Variants in ARHGEF7 observed in about 807,000 individuals in gnomAD.
ARHGEF7 encodes the protein PAK-interacting exchange factor beta.
In ARHGEF7, 33 loss-of-function variants were observed where a neutral mutation model predicts 109.8. The observed-to-expected ratio is 0.30, with a 90% CI of 0.23 to 0.40. The LOEUF (loss-of-function observed/expected upper bound fraction) is 0.40. Ranked by LOEUF, ARHGEF7 falls within the 10% of genes least tolerant of loss-of-function variation. The probability of loss-of-function intolerance (pLI) is 1.00; values close to 1 mark genes in which losing one functional copy is unlikely to be tolerated. For missense variants in ARHGEF7, 938 were observed against 1,098.5 expected (o/e 0.85, Z 2.07); for synonymous variants, 458 against 424.6 (o/e 1.08, Z -0.97).
intron 2 of ARHGEF7, among the ~76,000 whole-genome samples, chr13:111,174,774 T>C (rs2077962738): frequency 6.6e-6 from 1 of 151,982 alleles, no homozygotes; most frequent in Admixed American, 6.6e-5. Context: ...ACGCTGGGGG[T>C]CGTAAGCAGA....
At chr13:111,261,325 T>G (rs779300479) in intron 8 of ARHGEF7, among the ~76,000 whole-genome samples, 1 of 152,150 alleles carries the variant, frequency 6.6e-6, no homozygotes, top group Non-Finnish European at 1.5e-5. Context: ...GTAGCTAGAC[T>G]TATATCAAAC....
At chr13:111,227,270 G>A (rs117045033) in intron 5 of ARHGEF7, among the ~76,000 whole-genome samples, 1,535 of 152,364 alleles carry the variant, frequency 0.01, 11 homozygotes, top group Middle Eastern at 0.017. Flanking sequence ...GAAGTTGTAT[G>A]TGTGTAAAAT....
intron 6 of ARHGEF7, among the ~76,000 whole-genome samples, chr13:111,242,090 C>T (rs1456559058): frequency 6.6e-6 from 1 of 152,118 alleles, no homozygotes; most frequent in Non-Finnish European, 1.5e-5. Flanking sequence ...GTTGTGGGGT[C>T]AGCATTTCCC....
intron 2 of ARHGEF7, among the ~76,000 whole-genome samples, chr13:111,167,302 C>G (rs2077207068): frequency 1.3e-5 from 2 of 152,254 alleles, no homozygotes; most frequent in South Asian, 4.2e-4. Context: ...TTTTATATTT[C>G]TTTTATCCAA....
rs148918279 is a variant in ARHGEF7, at chr13:111,293,800, C to T, written c.2311+1506C>T. On this transcript the variant is annotated intron_variant, in intron 19 of 21. Coordinates refer to ENST00000646102, the MANE Select transcript of ARHGEF7 (RefSeq NM_001354046.2). ...ACTGCCCACTCCTTCGCCAAACCCA[C>T]GTATTCAGTGTTCTGATCTTGTTTG... 7.6e-4 allele frequency: 752 copies of T among 985,366 alleles called. 8 individuals are homozygous for T. The South Asian group carries it at 0.012, about 16-fold the overall frequency. 61.0% of individuals were successfully genotyped at this position (985,366 alleles called of 1,614,324 possible).
At chr13:111,284,756 A>G (rs1443345826) in intron 16 of ARHGEF7, among the ~76,000 whole-genome samples, 1 of 152,182 alleles carries the variant, frequency 6.6e-6, no homozygotes, top group African/African-American at 2.4e-5. Context: ...GTGATCTTGC[A>G]GGGTGTGAGA....
intron 2 of ARHGEF7, among the ~76,000 whole-genome samples, chr13:111,184,252 T>C (rs1381591177): frequency 6.6e-6 from 1 of 152,222 alleles, no homozygotes; most frequent in Non-Finnish European, 1.5e-5. Context: ...TCCCCAGCTA[T>C]GTGTAACTGT....
chr13:111,198,944 CT>C (rs2057570431), intron 2 of ARHGEF7, among the ~76,000 whole-genome samples: 2 of 152,176 alleles, frequency 1.3e-5, no homozygotes, highest in African/African-American at 2.4e-5. Flanking sequence ...AAACCTTTAG[CT>C]GGACACGGAG....
chr13:111,208,009 T>C (rs2082088174), intron 3 of ARHGEF7, among the ~76,000 whole-genome samples: 1 of 152,178 alleles, frequency 6.6e-6, no homozygotes, highest in Non-Finnish European at 1.5e-5. Flanking sequence ...TGCCCTTTGT[T>C]TTTGTTTTTG....
chr13:111,251,869 A>T (rs558959266), intron 8 of ARHGEF7, among the ~76,000 whole-genome samples: 12 of 152,258 alleles, frequency 7.9e-5, no homozygotes, highest in Non-Finnish European at 1.6e-4. Flanking sequence ...TCATGCATGC[A>T]TGCATTCATT....
At position 111,291,017 on chromosome 13, in the gene ARHGEF7, A is replaced by G. The variant is rs572728967; in HGVS notation, c.2135-1101A>G. Among the ~76,000 whole-genome samples the G allele has an allele frequency of 9.8e-5, 15 of 152,364 alleles. No homozygotes were observed. In the South Asian group the frequency reaches 3.1e-3, roughly 32 times the overall value. The stretch of plus-strand genomic sequence containing the variant: ...ATACACACATTTGGATGCCAAGAAG[A>G]TTTTGTAAACCAAACTTCCTTGGTA... On this transcript the variant is annotated intron_variant, in intron 18 of 21. Transcript: ENST00000646102.
intron 2 of ARHGEF7, chr13:111,186,794 A>G: frequency 1.0e-6 from 1 of 985,446 alleles, no homozygotes; most frequent in South Asian, 4.7e-5. Context: ...CTAAAGCTTC[A>G]GTGAGCCCAG....
intron 8 of ARHGEF7, among the ~76,000 whole-genome samples, chr13:111,259,170 G>A (rs1208069993): frequency 6.6e-6 from 1 of 152,172 alleles, no homozygotes; most frequent in African/African-American, 2.4e-5. Flanking sequence ...CCGTCCTGAA[G>A]GAAAGGACAC....
intron 19 of ARHGEF7, among the ~76,000 whole-genome samples, chr13:111,300,495 C>A (rs1330708461): frequency 6.6e-6 from 1 of 152,182 alleles, no homozygotes; most frequent in East Asian, 1.9e-4. Flanking sequence ...TTTCAACAAT[C>A]CGTAATTCCG....
At chr13:111,157,792 ATG>A (rs370001687) in intron 2 of ARHGEF7, among the ~76,000 whole-genome samples, 1 of 152,050 alleles carries the variant, frequency 6.6e-6, no homozygotes, top group Non-Finnish European at 1.5e-5. Context: ...GTATGTGTGC[ATG>A]TGTGTGTGTG....
rs779607372 is a variant in ARHGEF7 at position 111,300,737 on chromosome 13, C to T, written c.2312-11C>T. On this transcript the variant is annotated splice_polypyrimidine_tract_variant and intron_variant, in intron 19 of 21. Transcript: ENST00000646102. ...GCCTGAGGTTTATTTATTATTTTTT[C>T]ATGATCCTAGGTTCACGCAAAGAAT... The T allele has an allele frequency of 6.4e-7, 1 of 1,571,594 alleles. No individual in the cohort carries two copies. The highest frequency in any genetic ancestry group is 1.4e-5 in the African/African-American group (1 of 72,600).
chr13:111,153,582 G>C, intron 1 of ARHGEF7: 1 of 1,088,082 alleles, frequency 9.2e-7, no homozygotes, highest in Non-Finnish European at 1.1e-6. Flanking sequence ...GTCCGCGGGG[G>C]CGAACACCCG....
intron 5 of ARHGEF7, among the ~76,000 whole-genome samples, chr13:111,231,574 A>G (rs1458850411): frequency 1.3e-5 from 2 of 152,038 alleles, no homozygotes; most frequent in African/African-American, 4.8e-5. Context: ...GGTTCGGGGC[A>G]TTCTGGGTTT....
chr13:111,276,790 C>G (rs555307932), intron 12 of ARHGEF7, among the ~76,000 whole-genome samples: 1 of 152,170 alleles, frequency 6.6e-6, no homozygotes, highest in Non-Finnish European at 1.5e-5. Context: ...GCCTAATGTT[C>G]TGAGGAATAT....
Sources: allele counts gnomAD v4.1 joint callset (sites outside exome capture counted in the v4.1 genomes callset), GRCh38; gene constraint gnomAD v4.1.1; transcripts MANE v1.5; gene names NCBI Gene and HGNC (gene_info 2026-07-23, HGNC 2026-07-21).